PER3: variants seen among roughly 807,000 people sequenced by gnomAD.
PER3 encodes period circadian protein homolog 3.
PER3 carries 107 observed loss-of-function variants against 127.2 expected under a neutral mutation model. The observed-to-expected ratio is 0.84, with a 90% CI of 0.72 to 0.99. The LOEUF (loss-of-function observed/expected upper bound fraction) is 0.99. Among genes scored for constraint, PER3 ranks in the 50% least tolerant of loss-of-function variants. The pLI, the probability that PER3 is intolerant of heterozygous loss-of-function variation, is 0.00. For missense variants in PER3, 1,560 were observed against 1,525.8 expected, an observed-to-expected ratio of 1.02 and a Z score of -0.37; for synonymous variants, 618 against 585.8, an observed-to-expected ratio of 1.05 and a Z score of -0.79.
intron 5 of PER3, among the ~76,000 whole-genome samples, chr1:7,792,083 A>G (rs1248673792): frequency 3.9e-5 from 6 of 152,208 alleles, no homozygotes; most frequent in African/African-American, 1.2e-4. Flanking sequence ...AGTTTACTGT[A>G]TTAGTCCATT....
chr1:7,808,977 A>G lies in PER3; in HGVS notation c.1221A>G (p.Gln407=), dbSNP rs775228999. The change falls in exon 11 of 22, where the codon CAA becomes CAG. Residue 407 remains glutamine, a synonymous_variant. Coordinates refer to ENST00000377532, the MANE Select transcript of PER3 (RefSeq NM_001377275.1). ...AAGACATAACAGAATTACAAGAACA[A>G]ATTTACAAACTTCTCTTACAGGTAA... ...NDKDITELQE[Q]IYKLLLQPVH... 16 of 1,557,354 alleles carry G rather than the reference A, an allele frequency of 1.0e-5. No individual in the cohort carries two copies. In the East Asian group the frequency reaches 3.6e-4, roughly 35 times the overall value.
At chr1:7,799,073 A>G (rs888701415) in intron 7 of PER3, among the ~76,000 whole-genome samples, 2 of 152,200 alleles carry the variant, frequency 1.3e-5, no homozygotes, top group African/African-American at 4.8e-5. Context: ...AGTAAAATGT[A>G]TATTTTATCT....
intron 13 of PER3, 48 bp downstream of exon 13, chr1:7,810,636 C>G (rs2097215331): frequency 5.8e-6 from 9 of 1,555,926 alleles, no homozygotes; most frequent in Non-Finnish European, 7.8e-6. Context: ...GGCTGTCACT[C>G]TCTGCATAGA....
At chr1:7,841,419 G>A (rs1288827520) in intron 21 of PER3, among the ~76,000 whole-genome samples, 1 of 151,630 alleles carries the variant, frequency 6.6e-6, no homozygotes, top group Non-Finnish European at 1.5e-5. Context: ...GGTCCTTATT[G>A]CCCACTCTGA....
Position 7,827,437 on chromosome 1 carries a change from C to T in PER3, c.2508C>T (p.Pro836=), listed in dbSNP as rs1025413544. The T allele has an allele frequency of 1.3e-5, 21 of 1,614,210 alleles. No homozygotes were observed. The highest frequency in any genetic ancestry group is 1.5e-5 in the Non-Finnish European group (18 of 1,180,014). The part of the protein sequence containing the change: ...GTAPEGLHGL[P]LSEGLQPYPA... The stretch of plus-strand genomic sequence containing the variant: ...CACCGGAAGGCCTGCATGGGCTGCC[C>T]TTGTCCGAGGGCTTGCAGCCTTACC... The change falls in exon 18 of 22, where the codon CCC becomes CCT. Residue 836 remains proline (P), a synonymous_variant. Coordinates refer to ENST00000377532, the MANE Select transcript of PER3 (RefSeq NM_001377275.1).
chr1:7,791,804 T>G (rs2097122843), intron 5 of PER3, among the ~76,000 whole-genome samples: 1 of 152,200 alleles, frequency 6.6e-6, no homozygotes, highest in Non-Finnish European at 1.5e-5. Flanking sequence ...TGCCAGTCTC[T>G]TTGCATAGCA....
At chr1:7,824,509 C>T (rs116733457) in intron 16 of PER3, among the ~76,000 whole-genome samples, 1,767 of 152,128 alleles carry the variant, frequency 0.012, 30 homozygotes, top group African/African-American at 0.041. Flanking sequence ...CTCAGTTTCT[C>T]GGTGCCTTTT....
chr1:7,807,489 C>T (rs1288272909), intron 10 of PER3, among the ~76,000 whole-genome samples: 1 of 152,148 alleles, frequency 6.6e-6, no homozygotes, highest in Non-Finnish European at 1.5e-5. Flanking sequence ...AACTGAGCTG[C>T]ATGTATCAGT....
intron 6 of PER3, among the ~76,000 whole-genome samples, chr1:7,794,270 G>A (rs11582231): frequency 0.079 from 12,063 of 152,100 alleles, 548 homozygotes; most frequent in Middle Eastern, 0.21. Flanking sequence ...GGAGGCGGGC[G>A]GATCACAAGG....
intron 6 of PER3, among the ~76,000 whole-genome samples, chr1:7,795,437 G>GTA (rs2097140964): frequency 1.3e-5 from 2 of 152,342 alleles, no homozygotes; most frequent in East Asian, 3.9e-4. Context: ...GATTGCCGTT[G>GTA]TATTCAGGGT....
At position 7,844,026 on chromosome 1, in the gene PER3, CTAAT is replaced by C; in HGVS notation, c.*1273_*1276del. 5.6e-6 allele frequency: 6 copies of C among 1,069,802 alleles called. No individual in the cohort carries two copies. Among genetic ancestry groups the C allele is most frequent in the Non-Finnish European group, 7.0e-6 (6 of 851,734 alleles). 66.3% of individuals were successfully genotyped at this position (1,069,802 alleles called of 1,614,324 possible). On this transcript the variant is annotated 3_prime_UTR_variant, in exon 22 of 22. Coordinates refer to ENST00000377532, the MANE Select transcript of PER3 (RefSeq NM_001377275.1). ...TTGTCTTTATATAACTTGCAACAAA[CTAAT>C]TTATTTTTTTTTCCTTTTTTTGTTT...
At chr1:7,791,168 T>C (rs1033202557) in intron 5 of PER3, among the ~76,000 whole-genome samples, 1 of 152,068 alleles carries the variant, frequency 6.6e-6, no homozygotes, top group Non-Finnish European at 1.5e-5. Flanking sequence ...ACATCTCTCT[T>C]AGCAGAGGTT....
intron 2 of PER3, 72 bp downstream of exon 2, chr1:7,785,077 T>A (rs2097079821): frequency 1.3e-6 from 2 of 1,483,286 alleles, no homozygotes; most frequent in Non-Finnish European, 1.8e-6. Flanking sequence ...AAGGGGGACC[T>A]AAATCTTTTT....
In PER3 at chr1:7,827,641, A is replaced by C; in HGVS notation, c.2712A>C (p.Ser904=). 6.2e-7 allele frequency: 1 copy of C among 1,614,180 alleles called. No homozygotes were observed. Among genetic ancestry groups the C allele is most frequent in the Non-Finnish European group, 8.5e-7 (1 of 1,180,026 alleles). Residue 904 remains serine, a synonymous_variant, in exon 18 of 22, where the codon TCA becomes TCC. Coordinates refer to ENST00000377532, the MANE Select transcript of PER3 (RefSeq NM_001377275.1). ...GTCCAACTCTGGACCCACCCCCTTC[A>C]GTCACCAGCCAAAGGAGAGAGGAGG... The part of the protein sequence containing the change: ...AMSPTLDPPP[S]VTSQRREEEK...
At chr1:7,797,041 A>G (rs545035731) in intron 6 of PER3, among the ~76,000 whole-genome samples, 1 of 152,278 alleles carries the variant, frequency 6.6e-6, no homozygotes, top group Admixed American at 6.5e-5. Flanking sequence ...TGAATATCCA[A>G]GTTGAGACTC....
chr1:7,820,299 C>T, intron 15 of PER3, 60 bp downstream of exon 15: 1 of 1,546,594 alleles, frequency 6.5e-7, no homozygotes, highest in East Asian at 2.2e-5. Flanking sequence ...CTTCTTGTTT[C>T]TCTTTAATGT....
chr1:7,819,553 G>A (rs765259700), intron 14 of PER3, 133 bp downstream of exon 14: 3 of 758,008 alleles, frequency 4.0e-6, no homozygotes, highest in Non-Finnish European at 6.6e-6. Flanking sequence ...CGTTTATGGC[G>A]TGCCTAACAC....
chr1:7,818,373 A>G (rs2097260842), intron 13 of PER3, among the ~76,000 whole-genome samples: 1 of 152,228 alleles, frequency 6.6e-6, no homozygotes, highest in African/African-American at 2.4e-5. Context: ...TCATTTTTCC[A>G]TAATATGCTC....
At chr1:7,827,894 G>A in intron 18 of PER3, 79 bp downstream of exon 18, 1 of 1,088,182 alleles carries the variant, frequency 9.2e-7, no homozygotes, top group Non-Finnish European at 1.3e-6. Context: ...TTGGGACTCA[G>A]TGCTGACATT....
Sources: allele counts gnomAD v4.1 joint callset (sites outside exome capture counted in the v4.1 genomes callset), GRCh38; gene constraint gnomAD v4.1.1; transcripts MANE v1.5; gene names NCBI Gene and HGNC (gene_info 2026-07-23, HGNC 2026-07-21).